Variants in LONRF2 observed in about 807,000 individuals in gnomAD.
LONRF2 encodes the protein LON peptidase N-terminal domain and RING finger protein 2.
In LONRF2, 35 loss-of-function variants were observed where a neutral mutation model predicts 66.6. The ratio of observed to expected loss-of-function variants is 0.53; its 90% CI spans 0.40 to 0.70. The LOEUF is 0.70. LONRF2 is among the 30% of genes least tolerant of loss of function. LONRF2 has a pLI of 0.00. For missense variants in LONRF2, 902 were observed against 1,002.1 expected (o/e 0.90, Z 1.35); for synonymous variants, 417 against 418.1 (o/e 1.00, Z 0.03).
In LONRF2 at chr2:100,274,012, A is replaced by G. The variant is rs926377318; in HGVS notation, c.*10286T>C. On this transcript the variant is annotated 3_prime_UTR_variant, in exon 12 of 12. Coordinates refer to ENST00000393437, the MANE Select transcript of LONRF2 (RefSeq NM_198461.4). ...AGTACAAAAAGGTGACAAAACTATG[A>G]AAGTGAAAATACTATGGTAAATAAC... 24 of 152,234 alleles carry G rather than the reference A, an allele frequency of 1.6e-4. No individual in the cohort carries two copies. The highest frequency in any genetic ancestry group is 5.8e-4 in the African/African-American group (24 of 41,454). The allele number at this position is 152,234 out of a possible 1,614,324, so 9.4% of individuals were successfully genotyped here.
In LONRF2 at chr2:100,272,829, A is replaced by T. The variant is rs1674526777; in HGVS notation, c.*11469T>A. 6.6e-6 allele frequency among the ~76,000 whole-genome samples: 1 copy of T among 152,226 alleles called. No individual in the cohort carries two copies. Among genetic ancestry groups the T allele is most frequent in the Admixed American group, 6.5e-5 (1 of 15,280 alleles). ...TCTGCCTTGGATAGAAATGATTTTTAAAAGTAATTATGGTTTTAAGCCAAA... is the reference window on the plus strand; with the variant it reads ...TCTGCCTTGGATAGAAATGATTTTTTAAAGTAATTATGGTTTTAAGCCAAA... On this transcript the variant is annotated 3_prime_UTR_variant, in exon 12 of 12. Transcript: ENST00000393437.
At position 100,287,003 on chromosome 2, in the gene LONRF2, C is replaced by G; in HGVS notation, c.1981G>C (p.Val661Leu). Residue 661 changes from valine to leucine, a missense_variant, in exon 11 of 12, where the codon GTT becomes CTT. Val to Leu is a conservative substitution (Grantham distance 32). This residue lies in a region of LONRF2 where 317 missense variants were observed against 432.2 expected (regional missense o/e 0.73). Coordinates refer to ENST00000393437, the MANE Select transcript of LONRF2 (RefSeq NM_198461.4). Reference protein sequence around the residue: ...ALHDSVHQQSVSWFASLQDRM... With the variant: ...ALHDSVHQQSLSWFASLQDRM... ...TCCTGGAGAGACGCGAACCAGGAAA[C>G]AGACTGTTGATGCACAGAATCGTGG... The G allele has an allele frequency of 6.2e-7, 1 of 1,614,212 alleles. No individual in the cohort carries two copies. The highest frequency in any genetic ancestry group is 8.5e-7 in the Non-Finnish European group (1 of 1,180,036).
At position 100,309,175 on chromosome 2, in the gene LONRF2, T is replaced by A; in HGVS notation, c.730A>T (p.Met244Leu). ...LLLRAELYLTMKNYEQALQDA... is the reference protein window; with the variant it reads ...LLLRAELYLTLKNYEQALQDA... ...TGGAGAGCTTGCTCATAGTTCTTCA[T>A]GGTCAAATATAACTCCGCCCGCAGC... The change falls in exon 2 of 12, where the codon ATG becomes TTG. Residue 244 changes from methionine (M) to leucine (L), a missense_variant. By Grantham distance (15) the Met-to-Leu change is conservative. Transcript: ENST00000393437. The A allele has an allele frequency of 6.2e-7, 1 of 1,609,786 alleles. No homozygotes were observed. The highest frequency in any genetic ancestry group is 1.7e-5 in the Admixed American group (1 of 58,606).
At position 100,295,691 on chromosome 2, in the gene LONRF2, G is replaced by A. The variant is rs564237476; in HGVS notation, c.1477-138C>T. On this transcript the variant is annotated intron_variant, in intron 7 of 11. Coordinates refer to ENST00000393437, the MANE Select transcript of LONRF2 (RefSeq NM_198461.4). ...AAGGAAAAGGGATGGAGAGAGAGGC[G>A]GGCCAGCCTGTAACAAGAGCAGGGG... 442 of 757,774 alleles carry A rather than the reference G, an allele frequency of 5.8e-4. 1 individual carries two copies. Among genetic ancestry groups the A allele is most frequent in the South Asian group, 4.9e-3 (250 of 50,554 alleles). The allele number at this position is 757,774 out of a possible 1,614,324, so 46.9% of individuals were successfully genotyped here.
intron 1 of LONRF2, among the ~76,000 whole-genome samples, chr2:100,319,161 G>A (rs1392334329): frequency 6.7e-6 from 1 of 150,360 alleles, no homozygotes; most frequent in Non-Finnish European, 1.5e-5. Flanking sequence ...CTAAACACAG[G>A]TATTTCTGAT....
In LONRF2 at chr2:100,299,779, T is replaced by C; in HGVS notation, c.1205A>G (p.Gln402Arg). 1.9e-6 allele frequency: 3 copies of C among 1,614,110 alleles called. No homozygotes were observed. The highest frequency in any genetic ancestry group is 2.5e-6 in the Non-Finnish European group (3 of 1,179,988). Residue 402 changes from glutamine (Q) to arginine (R), a missense_variant, in exon 5 of 12, where the codon CAG (glutamine) becomes CGG (arginine). Around this residue, in one of 2 missense-constraint regions of LONRF2, gnomAD observed 585 missense variants for 569.9 expected, o/e 1.03. Coordinates refer to ENST00000393437, the MANE Select transcript of LONRF2 (RefSeq NM_198461.4). ...TGCATCCTCCACGTCATCCGGAAACTGTCTCTTTAAGCCAGCGCTGGGTGC... is the reference window on the plus strand; with the variant it reads ...TGCATCCTCCACGTCATCCGGAAACCGTCTCTTTAAGCCAGCGCTGGGTGC... ...PTAPSAGLKR[Q>R]FPDDVEDAPD...
intron 7 of LONRF2, among the ~76,000 whole-genome samples, chr2:100,297,272 G>C (rs1675088450): frequency 6.6e-6 from 1 of 151,318 alleles, no homozygotes; most frequent in Non-Finnish European, 1.5e-5. Flanking sequence ...GGGACTACAG[G>C]TGCCCGCCAC....
Position 100,275,609 on chromosome 2 carries a change from C to G in LONRF2, c.*8689G>C, listed in dbSNP as rs553529880. ...AGCTGTTGTGACTCATTCCTCAATCCGGTGGGATGCAAAGGATCTATCCAT... is the reference window on the plus strand; with the variant it reads ...AGCTGTTGTGACTCATTCCTCAATCGGGTGGGATGCAAAGGATCTATCCAT... On this transcript the variant is annotated 3_prime_UTR_variant, in exon 12 of 12. Coordinates refer to ENST00000393437, the MANE Select transcript of LONRF2 (RefSeq NM_198461.4). 6.6e-6 allele frequency: 1 copy of G among 152,172 alleles called. No homozygotes were observed. Among genetic ancestry groups the G allele is most frequent in the Admixed American group, 6.6e-5 (1 of 15,264 alleles). The allele number at this position is 152,172 out of a possible 1,614,324, so 9.4% of individuals were successfully genotyped here. A position where few individuals can be genotyped will look rare whatever the true frequency, so the allele number is the denominator to read the frequency against.
intron 1 of LONRF2, among the ~76,000 whole-genome samples, chr2:100,312,582 T>A (rs1354722001): frequency 3.3e-5 from 5 of 152,232 alleles, no homozygotes; most frequent in African/African-American, 1.2e-4. Context: ...TCTCTACTCC[T>A]CACATTCTAA....
rs1332716317 is a variant in LONRF2 at position 100,277,897 on chromosome 2, A to T, written c.*6401T>A. 2 of 152,170 alleles carry T rather than the reference A, an allele frequency of 1.3e-5. No individual in the cohort carries two copies. Among genetic ancestry groups the T allele is most frequent in the Non-Finnish European group, 2.9e-5 (2 of 68,040 alleles). The allele number at this position is 152,170 out of a possible 1,614,324, so 9.4% of individuals were successfully genotyped here. ...AATCACATCTCTCCACAGGTGCTAC[A>T]GCTGGGATTCCAGGTCTTGCCAGGA... On this transcript the variant is annotated 3_prime_UTR_variant, in exon 12 of 12. Coordinates refer to ENST00000393437, the MANE Select transcript of LONRF2 (RefSeq NM_198461.4).
intron 1 of LONRF2, among the ~76,000 whole-genome samples, chr2:100,318,858 A>G (rs11676282): frequency 0.52 from 75,999 of 146,752 alleles, 19,790 homozygotes; most frequent in East Asian, 0.76. Flanking sequence ...AAGGCCAGGC[A>G]TGGTGGCTTA....
Position 100,287,073 on chromosome 2 carries a change from G to A in LONRF2, c.1921-10C>T, listed in dbSNP as rs1674861887. The A allele has an allele frequency of 7.4e-6, 12 of 1,612,686 alleles. No homozygotes were observed. Among genetic ancestry groups the A allele is most frequent in the South Asian group, 2.2e-5 (2 of 90,798 alleles). On this transcript the variant is annotated splice_polypyrimidine_tract_variant and intron_variant, in intron 10 of 11. Coordinates refer to ENST00000393437, the MANE Select transcript of LONRF2 (RefSeq NM_198461.4). The stretch of plus-strand genomic sequence containing the variant: ...ACTCTGGACCCTCCACCTGATCAGG[G>A]AAAGAGGCACAGCTGTGTGAACCAT...
At chr2:100,316,483 T>C (rs2104215475) in intron 1 of LONRF2, among the ~76,000 whole-genome samples, 1 of 152,192 alleles carries the variant, frequency 6.6e-6, no homozygotes, top group Admixed American at 6.5e-5. Flanking sequence ...TATCTGAAGA[T>C]ATTCTATTTA....
intron 7 of LONRF2, among the ~76,000 whole-genome samples, chr2:100,295,933 G>A (rs1198625708): frequency 1.3e-5 from 2 of 152,176 alleles, no homozygotes; most frequent in Non-Finnish European, 2.9e-5. Context: ...ATGTAAGAAT[G>A]ATTACTTATG....
At chr2:100,297,987 G>GA (rs59444581) in intron 7 of LONRF2, among the ~76,000 whole-genome samples, 2 of 151,194 alleles carry the variant, frequency 1.3e-5, no homozygotes, top group South Asian at 2.1e-4. Flanking sequence ...TTTGTAAAAA[G>GA]AAAAAAAAAC....
Position 100,321,825 on chromosome 2 carries a change from A to T in LONRF2, c.269T>A (p.Leu90Gln). Residue 90 changes from leucine (L) to glutamine (Q), a missense_variant, in exon 1 of 12, where the codon CTG becomes CAG. Physicochemically the swap from Leu to Gln is moderately radical, Grantham distance 113 (BLOSUM62 -2). This residue lies in a region of LONRF2 where 585 missense variants were observed against 569.9 expected (regional missense o/e 1.03). Transcript: ENST00000393437. ...AFRGAARLGA[L>Q]RPEELEELAG... ...CAGCTCTTCCAGCTCCTCCGGCCGC[A>T]GCGCCCCGAGCCGCGCGGCGCCGCG... 1 of 1,108,724 alleles carries T rather than the reference A, an allele frequency of 9.0e-7. No homozygotes were observed. Among genetic ancestry groups the T allele is most frequent in the Non-Finnish European group, 1.1e-6 (1 of 911,828 alleles). The allele number at this position is 1,108,724 out of a possible 1,614,324, so 68.7% of individuals were successfully genotyped here.
chr2:100,290,834 T>G (rs1442492678), intron 9 of LONRF2, among the ~76,000 whole-genome samples: 1 of 152,190 alleles, frequency 6.6e-6, no homozygotes, highest in Non-Finnish European at 1.5e-5. Flanking sequence ...ACACTCCGAT[T>G]GTAACTATCA....
intron 1 of LONRF2, among the ~76,000 whole-genome samples, chr2:100,316,048 C>T (rs149967002): frequency 1.3e-5 from 2 of 151,984 alleles, no homozygotes; most frequent in African/African-American, 2.4e-5. Context: ...TGGCCGGGTG[C>T]GGTGGCTCAC....
chr2:100,307,007 GCCTCC>G (rs1370817690), intron 2 of LONRF2, among the ~76,000 whole-genome samples: 1 of 147,062 alleles, frequency 6.8e-6, no homozygotes, highest in South Asian at 2.2e-4. Flanking sequence ...TGCAACCTCC[GCCTCC>G]CGGGTTGACG....
Sources: allele counts gnomAD v4.1 joint callset (sites outside exome capture counted in the v4.1 genomes callset), GRCh38; gene constraint gnomAD v4.1.1; regional missense constraint gnomAD v4.1.1; transcripts MANE v1.5; gene names NCBI Gene and HGNC (gene_info 2026-07-23, HGNC 2026-07-21).